Variants in SLC67A1 observed in about 807,000 individuals in gnomAD.
SLC67A1 encodes the protein solute carrier family 67 member 1, also known as solute carrier family 67 member A1.
the SLC67A1 span, chr11:2,920,474 GTGTTGTGGGGGACTTGGGC>G: frequency 6.6e-6 from 1 of 152,354 alleles, no homozygotes; most frequent in Admixed American, 6.5e-5. Context: ...TCATTGGCCT[GTGTTGTGGGGGACTTGGGC>G]CTGCCATGGC....
At chr11:2,911,221 C>T in the SLC67A1 span, among the ~76,000 whole-genome samples, 27 of 152,012 alleles carry the variant, frequency 1.8e-4, no homozygotes, top group Non-Finnish European at 2.9e-4. Flanking sequence ...GAGAGGGGGT[C>T]GGGAAGTCGT....
chr11:2,900,097 G>GTCCT, the SLC67A1 span, among the ~76,000 whole-genome samples: 1 of 149,600 alleles, frequency 6.7e-6, no homozygotes, highest in Non-Finnish European at 1.5e-5. Flanking sequence ...TTTCTGTGCA[G>GTCCT]TCCTTCCAGG....
At chr11:2,917,383 G>A in the SLC67A1 span, among the ~76,000 whole-genome samples, 1 of 152,218 alleles carries the variant, frequency 6.6e-6, no homozygotes, top group Non-Finnish European at 1.5e-5. Flanking sequence ...AACCTAGAAA[G>A]TCCAGGGGGA....
chr11:2,916,002 A>C, the SLC67A1 span: 1 of 152,370 alleles, frequency 6.6e-6, no homozygotes. Flanking sequence ...GAAGGTGGGA[A>C]GGTGGCAAAG....
chr11:2,909,372 C>G, the SLC67A1 span: 1 of 1,513,228 alleles, frequency 6.6e-7, no homozygotes, highest in Non-Finnish European at 8.8e-7. Context: ...GCCGGGGGGA[C>G]TGGAGTCCAG....
the SLC67A1 span, chr11:2,902,704 A>G: frequency 1.0e-6 from 1 of 985,492 alleles, no homozygotes; most frequent in Admixed American, 6.1e-5. Flanking sequence ...GACAGACAGC[A>G]CTCCGCTGTG....
At chr11:2,910,378 G>A in the SLC67A1 span, among the ~76,000 whole-genome samples, 1 of 152,186 alleles carries the variant, frequency 6.6e-6, no homozygotes, top group Non-Finnish European at 1.5e-5. Flanking sequence ...GCTACATGGA[G>A]CAAAAAGTCA....
the SLC67A1 span, chr11:2,899,915 C>T: frequency 1.9e-6 from 1 of 536,514 alleles, no homozygotes; most frequent in Admixed American, 3.3e-5. Flanking sequence ...GCCGCTTCAT[C>T]CTCTAAGCCC....
At chr11:2,912,251 A>G in the SLC67A1 span, among the ~76,000 whole-genome samples, 21 of 152,106 alleles carry the variant, frequency 1.4e-4, no homozygotes, top group Non-Finnish European at 2.4e-4. Context: ...TCCAACCCAG[A>G]CAGGGTGAGG....
the SLC67A1 span, chr11:2,922,292 G>A: frequency 6.6e-7 from 1 of 1,508,818 alleles, no homozygotes; most frequent in Admixed American, 1.7e-5. Flanking sequence ...AAGCCCTTGG[G>A]GACTCCTCCA....
the SLC67A1 span, chr11:2,908,181 A>T: frequency 7.8e-7 from 1 of 1,281,954 alleles, no homozygotes; most frequent in Non-Finnish European, 1.1e-6. Flanking sequence ...CCCAGATTCT[A>T]GGCCCTGCAG....
chr11:2,922,120 A>T, the SLC67A1 span: 2 of 1,613,182 alleles, frequency 1.2e-6, no homozygotes, highest in South Asian at 1.1e-5. Flanking sequence ...GGGCCTGGTC[A>T]TCGGGCAGCT....
the SLC67A1 span, chr11:2,909,167 G>C: frequency 6.8e-7 from 1 of 1,470,768 alleles, no homozygotes; most frequent in Non-Finnish European, 9.0e-7. Flanking sequence ...CCGCCTCCGT[G>C]AGGGTCCGAC....
At chr11:2,909,383 G>A in the SLC67A1 span, 3 of 1,507,024 alleles carry the variant, frequency 2.0e-6, no homozygotes, top group East Asian at 7.8e-5. Flanking sequence ...TGGAGTCCAG[G>A]TGGGGCCGGG....
At chr11:2,902,789 C>T in the SLC67A1 span, 5 of 966,270 alleles carry the variant, frequency 5.2e-6, no homozygotes, top group African/African-American at 1.8e-5. Context: ...TTCCAGAAGC[C>T]CCTTGGAGCT....
At chr11:2,912,083 C>T in the SLC67A1 span, among the ~76,000 whole-genome samples, 4 of 152,364 alleles carry the variant, frequency 2.6e-5, no homozygotes, top group African/African-American at 7.2e-5. Context: ...CCCCAGTCCC[C>T]GTCCAAGGCC....
At chr11:2,925,043 C>T in the SLC67A1 span, 1 of 1,613,256 alleles carries the variant, frequency 6.2e-7, no homozygotes, top group African/African-American at 1.3e-5. This position sits in a 1 kb window ranked among gnomAD's most constrained non-coding sequence, Gnocchi z 6.5. Context: ...TCTGTACAAC[C>T]ACTGCTCCGA....
the SLC67A1 span, among the ~76,000 whole-genome samples, chr11:2,918,324 G>A: frequency 2.1e-4 from 32 of 152,382 alleles, no homozygotes; most frequent in East Asian, 4.4e-3. Context: ...GGCCTGGCTC[G>A]CAGCCATGCA....
the SLC67A1 span, among the ~76,000 whole-genome samples, chr11:2,905,376 C>T: frequency 6.6e-6 from 1 of 152,140 alleles, no homozygotes; most frequent in Admixed American, 6.5e-5. Context: ...CAAAGCGGAC[C>T]ACTGGAGGCA....
Sources: gnomAD v4.1 joint callset for allele counts (sites outside exome capture counted in the v4.1 genomes callset) on GRCh38, gnomAD v4.1.1 for gene constraint, Gnocchi (gnomAD v3.1) non-coding constraint, MANE v1.5 for transcripts, NCBI Gene and HGNC (gene_info 2026-07-23, HGNC 2026-07-21) for gene names.